Variants in TBC1D15 observed in about 807,000 individuals in gnomAD.
TBC1D15 encodes the protein GAP for RAB7.
TBC1D15 carries 39 observed loss-of-function variants against 95.4 expected under a neutral mutation model. That is an observed-to-expected ratio of 0.41 (90% CI 0.32 to 0.53). The LOEUF (loss-of-function observed/expected upper bound fraction) is 0.53, where lower values mean the gene tolerates loss of function less well. Among genes scored for constraint, TBC1D15 ranks in the 20% least tolerant of loss-of-function variants. The probability of loss-of-function intolerance (pLI) is 0.29; values close to 1 mark genes in which losing one functional copy is unlikely to be tolerated. For missense variants in TBC1D15, 733 were observed against 794.3 expected, an observed-to-expected ratio of 0.92 and a Z score of 0.93; for synonymous variants, 258 against 261.3, an observed-to-expected ratio of 0.99 and a Z score of 0.12.
chr12:71,850,891 G>T (rs1887629553), intron 1 of TBC1D15, among the ~76,000 whole-genome samples: 1 of 149,830 alleles, frequency 6.7e-6, no homozygotes, highest in South Asian at 2.1e-4. Flanking sequence ...GGAGGCTAAG[G>T]CAGGAGAATC....
chr12:71,875,055 C>G (rs1319419241), intron 3 of TBC1D15, among the ~76,000 whole-genome samples: 1 of 152,100 alleles, frequency 6.6e-6, no homozygotes, highest in Non-Finnish European at 1.5e-5. Context: ...CCATCCACCT[C>G]AGCCTCCCAA....
At chr12:71,844,659 C>G (rs1885871504) in intron 1 of TBC1D15, among the ~76,000 whole-genome samples, 2 of 152,142 alleles carry the variant, frequency 1.3e-5, no homozygotes, top group East Asian at 3.9e-4. Flanking sequence ...TAGATTGTAA[C>G]TGCTGTGGAG....
chr12:71,887,621 C>A (rs1010062011), intron 5 of TBC1D15, among the ~76,000 whole-genome samples: 1 of 152,154 alleles, frequency 6.6e-6, no homozygotes, highest in South Asian at 2.1e-4. Flanking sequence ...TCTTTCTGAT[C>A]CCTGAGGTCT....
At position 71,896,015 on chromosome 12, in the gene TBC1D15, C is replaced by T. The variant is rs765595388; in HGVS notation, c.924C>T (p.Asn308=). Reference sequence around the variant, plus strand: ...TATCACTGGAAGAATGGACTAAGAACATTGATTCTGAAGGAAGAATTTTAA... The same window carrying T: ...TATCACTGGAAGAATGGACTAAGAATATTGATTCTGAAGGAAGAATTTTAA... The part of the protein sequence containing the change: ...EPVSLEEWTK[N]IDSEGRILNV... The change falls in exon 8 of 17, where the codon AAC becomes AAT. Residue 308 remains asparagine, a synonymous_variant. Transcript: ENST00000485960. 1.2e-6 allele frequency: 2 copies of T among 1,612,324 alleles called. No individual in the cohort carries two copies. Among genetic ancestry groups the T allele is most frequent in the Non-Finnish European group, 1.7e-6 (2 of 1,178,760 alleles).
At chr12:71,861,315 A>G in intron 1 of TBC1D15, 2 of 514,688 alleles carry the variant, frequency 3.9e-6, no homozygotes, top group Non-Finnish European at 6.3e-6. Context: ...GTAGAATTCC[A>G]CAGTGAAGCC....
intron 14 of TBC1D15, 53 bp from the exon 15 acceptor site, chr12:71,920,678 A>G: frequency 7.6e-7 from 1 of 1,318,194 alleles, no homozygotes; most frequent in Non-Finnish European, 1.1e-6. Context: ...ATCTGTGAGG[A>G]AAATGTTTTA....
intron 6 of TBC1D15, chr12:71,894,382 A>AC (rs1408913948): frequency 1.9e-6 from 3 of 1,612,696 alleles, no homozygotes; most frequent in Non-Finnish European, 2.5e-6. Context: ...GAAAGTAAGC[A>AC]CTGCGTATGT....
At chr12:71,902,152 C>T (rs1284654289) in intron 10 of TBC1D15, among the ~76,000 whole-genome samples, 2 of 152,118 alleles carry the variant, frequency 1.3e-5, no homozygotes, top group Non-Finnish European at 2.9e-5. Flanking sequence ...TTTAAAATGG[C>T]CGTACTGCCC....
chr12:71,871,359 A>G (rs1378485581), intron 1 of TBC1D15, among the ~76,000 whole-genome samples: 2 of 152,114 alleles, frequency 1.3e-5, no homozygotes, highest in African/African-American at 4.8e-5. Context: ...TTTTGTTCTC[A>G]TCACTGCTCT....
At chr12:71,905,679 T>C (rs1264765925) in intron 10 of TBC1D15, among the ~76,000 whole-genome samples, 1 of 152,188 alleles carries the variant, frequency 6.6e-6, no homozygotes, top group African/African-American at 2.4e-5. Flanking sequence ...TTTTTTGGTA[T>C]TACTTTTGCT....
At chr12:71,853,106 G>A (rs1888230098) in intron 1 of TBC1D15, among the ~76,000 whole-genome samples, 1 of 152,210 alleles carries the variant, frequency 6.6e-6, no homozygotes, top group African/African-American at 2.4e-5. Context: ...TGTAAAGGAA[G>A]TGTGGTGCTG....
intron 1 of TBC1D15, among the ~76,000 whole-genome samples, chr12:71,856,240 G>A (rs1271244185): frequency 6.6e-6 from 1 of 152,182 alleles, no homozygotes; most frequent in Non-Finnish European, 1.5e-5. Context: ...AAATTAGTAA[G>A]TTGTTAGGCT....
At chr12:71,852,765 C>G (rs1468220190) in intron 1 of TBC1D15, among the ~76,000 whole-genome samples, 2 of 152,124 alleles carry the variant, frequency 1.3e-5, no homozygotes, top group African/African-American at 4.8e-5. Context: ...TACTCCACTT[C>G]CCAGTAGTTC....
rs143665656 is a variant in TBC1D15 at position 71,868,394 on chromosome 12, C to A, written c.31-3676C>A. ...CCGAGTAGCTGGGACTACAGGCACC[C>A]GCCACCATGCCCGGATAATTTTTTC... On this transcript the variant is annotated intron_variant, in intron 1 of 16. Transcript: ENST00000485960. Among the ~76,000 whole-genome samples, 35 of 152,156 alleles carry A rather than the reference C, an allele frequency of 2.3e-4. No individual in the cohort carries two copies. In the East Asian group the frequency reaches 6.6e-3, roughly 29 times the overall value.
Position 71,923,122 on chromosome 12 carries a change from C to T in TBC1D15, c.1943C>T (p.Thr648Ile), listed in dbSNP as rs866669999. ...TSAFQSNALP[T>I]LSASGARNDS... ...GCATTTCAAAGTAATGCCTTGCCTA[C>T]ACTCTCTGCCAGTGGAGCCAGAAAT... The change falls in exon 17 of 17, where the codon ACA (threonine) becomes ATA (isoleucine). Residue 648 changes from threonine to isoleucine, a missense_variant. Coordinates refer to ENST00000485960, the MANE Select transcript of TBC1D15 (RefSeq NM_001146213.3). The T allele has an allele frequency of 3.7e-6, 6 of 1,614,088 alleles. No individual in the cohort carries two copies. The African/African-American group carries it at 5.3e-5, about 14-fold the overall frequency.
intron 3 of TBC1D15, among the ~76,000 whole-genome samples, chr12:71,879,053 A>G (rs7306478): frequency 0.058 from 8,839 of 151,960 alleles, 359 homozygotes; most frequent in South Asian, 0.15. Context: ...CATGAATACA[A>G]TCCTGTTGCA....
chr12:71,921,307 A>G, intron 15 of TBC1D15, 61 bp from the exon 16 acceptor site: 1 of 857,390 alleles, frequency 1.2e-6, no homozygotes, highest in Non-Finnish European at 1.7e-6. Context: ...AATTGTTTAT[A>G]TAATAGAATA....
intron 7 of TBC1D15, 70 bp downstream of exon 7, chr12:71,894,953 CTT>C (rs1897879455): frequency 6.9e-7 from 1 of 1,450,440 alleles, no homozygotes; most frequent in Non-Finnish European, 9.3e-7. Context: ...GAAATAGAAA[CTT>C]AATTTTGGTG....
intron 3 of TBC1D15, among the ~76,000 whole-genome samples, chr12:71,877,204 G>GTTTT (rs775138713): frequency 2.1e-5 from 3 of 140,526 alleles, no homozygotes; most frequent in South Asian, 2.3e-4. Context: ...GTGTGTGTGT[G>GTTTT]TGTGTGTTTT....
Sources: gnomAD v4.1 joint callset for allele counts (sites outside exome capture counted in the v4.1 genomes callset) on GRCh38, gnomAD v4.1.1 for gene constraint, MANE v1.5 for transcripts, NCBI Gene and HGNC (gene_info 2026-07-23, HGNC 2026-07-21) for gene names.